SLC9A9: variants seen among roughly 807,000 people sequenced by gnomAD.
SLC9A9 encodes sodium/hydrogen exchanger 9.
In SLC9A9, 62 loss-of-function variants were observed where a neutral mutation model predicts 77.8. The ratio of observed to expected loss-of-function variants is 0.80; its 90% confidence interval spans 0.65 to 0.98. The LOEUF (loss-of-function observed/expected upper bound fraction) is 0.98. SLC9A9 is among the 50% of genes least tolerant of loss of function. SLC9A9 has a pLI of 0.00. For missense variants in SLC9A9, 775 were observed against 774.9 expected, an observed-to-expected ratio of 1.00 and a Z score of 0.00; for synonymous variants, 320 against 283.5, an observed-to-expected ratio of 1.13 and a Z score of -1.29.
intron 2 of SLC9A9, among the ~76,000 whole-genome samples, chr3:143,829,981 A>G (rs1386125741): frequency 1.3e-5 from 2 of 152,198 alleles, no homozygotes; most frequent in Admixed American, 6.6e-5. Flanking sequence ...TGGAAGATCT[A>G]TCTAATCCTA....
chr3:143,795,780 A>G (rs2008369002), intron 3 of SLC9A9, among the ~76,000 whole-genome samples: 7 of 152,226 alleles, frequency 4.6e-5, no homozygotes, highest in Admixed American at 4.6e-4. Context: ...ACTTTATTTT[A>G]ATGAGTCAGC....
At chr3:143,399,985 G>C (rs1011870212) in intron 12 of SLC9A9, among the ~76,000 whole-genome samples, 5 of 152,136 alleles carry the variant, frequency 3.3e-5, no homozygotes, top group African/African-American at 1.2e-4. Flanking sequence ...CATACGGTGA[G>C]TTTCATCAAA....
intron 8 of SLC9A9, among the ~76,000 whole-genome samples, chr3:143,557,034 A>G (rs531051634): frequency 1.3e-5 from 2 of 152,274 alleles, no homozygotes; most frequent in African/African-American, 2.4e-5. Flanking sequence ...ATCACATCTC[A>G]TCTTGAATTG....
At chr3:143,396,434 A>AGG (rs1337738805) in intron 12 of SLC9A9, among the ~76,000 whole-genome samples, 2 of 151,814 alleles carry the variant, frequency 1.3e-5, no homozygotes, top group Non-Finnish European at 2.9e-5. Flanking sequence ...CATCACACAC[A>AGG]GCCTGTTGTG....
chr3:143,570,901 C>T (rs1419228876), intron 8 of SLC9A9, among the ~76,000 whole-genome samples: 1 of 152,052 alleles, frequency 6.6e-6, no homozygotes, highest in African/African-American at 2.4e-5. Context: ...TGTAAATCTG[C>T]ATTTTCTAAA....
chr3:143,700,860 T>G (rs1933777592), intron 4 of SLC9A9, among the ~76,000 whole-genome samples: 1 of 152,246 alleles, frequency 6.6e-6, no homozygotes, highest in South Asian at 2.1e-4. Context: ...GACCCAGTGC[T>G]GTGCTGGCTT....
chr3:143,706,397 T>C (rs941388859), intron 4 of SLC9A9, among the ~76,000 whole-genome samples: 2 of 152,160 alleles, frequency 1.3e-5, no homozygotes, highest in African/African-American at 4.8e-5. Context: ...CTGTTGTAGA[T>C]AAAGCAGGTG....
intron 14 of SLC9A9, 137 bp from the exon 15 acceptor site, chr3:143,269,117 C>T (rs1937825031): frequency 2.9e-6 from 2 of 695,058 alleles, no homozygotes; most frequent in African/African-American, 1.8e-5. Context: ...GAAATTTGCC[C>T]TGCAAAAATT....
intron 14 of SLC9A9, among the ~76,000 whole-genome samples, chr3:143,363,157 A>G (rs2108483893): frequency 6.6e-6 from 1 of 152,288 alleles, no homozygotes; most frequent in Admixed American, 6.5e-5. Flanking sequence ...AAGCAGGCCT[A>G]TTTGACCAGA....
intron 14 of SLC9A9, among the ~76,000 whole-genome samples, chr3:143,356,495 A>G (rs901007677): frequency 6.6e-5 from 10 of 152,200 alleles, no homozygotes; most frequent in African/African-American, 2.4e-4. Context: ...ACAAGAACAC[A>G]GGAGTCCAGG....
At chr3:143,424,771 A>G (rs75299508) in intron 12 of SLC9A9, among the ~76,000 whole-genome samples, 103 of 152,322 alleles carry the variant, frequency 6.8e-4, no homozygotes, top group Non-Finnish European at 7.6e-4. Flanking sequence ...CAACAGGGAG[A>G]GGAGTGAGGT....
intron 14 of SLC9A9, among the ~76,000 whole-genome samples, chr3:143,330,146 A>G (rs758399789): frequency 4.6e-5 from 7 of 152,222 alleles, no homozygotes; most frequent in Admixed American, 6.5e-5. Context: ...GGCCAGAGCA[A>G]TCGGCAGGAG....
intron 6 of SLC9A9, among the ~76,000 whole-genome samples, chr3:143,582,385 G>A (rs1005108991): frequency 4.6e-5 from 7 of 152,142 alleles, no homozygotes; most frequent in African/African-American, 1.7e-4. Flanking sequence ...CGTTCCTTGA[G>A]TACTTATATG....
At chr3:143,844,748 TCTTTCTTTCTTTCTTTCTTTC>T (rs2009791045) in intron 1 of SLC9A9, among the ~76,000 whole-genome samples, 1 of 147,878 alleles carries the variant, frequency 6.8e-6, no homozygotes, top group African/African-American at 2.5e-5. Context: ...TTTCTTTCTT[TCTTTCTTTCTTTCTTTCTTTC>T]TTTCTTTCTT....
intron 4 of SLC9A9, among the ~76,000 whole-genome samples, chr3:143,748,145 A>G (rs114908059): frequency 2.7e-3 from 411 of 152,316 alleles, no homozygotes; most frequent in African/African-American, 9.5e-3. Flanking sequence ...CATTATGAAC[A>G]CATATTTGTC....
At chr3:143,632,000 C>T (rs2038434415) in intron 6 of SLC9A9, among the ~76,000 whole-genome samples, 1 of 152,086 alleles carries the variant, frequency 6.6e-6, no homozygotes, top group African/African-American at 2.4e-5. Flanking sequence ...TCCTCAACTG[C>T]CCACCTTCTC....
intron 14 of SLC9A9, among the ~76,000 whole-genome samples, chr3:143,329,217 C>A (rs1166859287): frequency 6.6e-6 from 1 of 152,216 alleles, no homozygotes; most frequent in African/African-American, 2.4e-5. Context: ...ACAGCTCTAG[C>A]AATGTTTTTT....
chr3:143,360,445 C>T (rs989137027), intron 14 of SLC9A9, among the ~76,000 whole-genome samples: 1 of 152,138 alleles, frequency 6.6e-6, no homozygotes, highest in Non-Finnish European at 1.5e-5. Flanking sequence ...AGGGGAGCCG[C>T]TGTTGCAGCA....
chr3:143,497,301 A>G (rs1348809896), intron 9 of SLC9A9, among the ~76,000 whole-genome samples: 2 of 151,918 alleles, frequency 1.3e-5, no homozygotes, highest in East Asian at 1.9e-4. Context: ...CCTTACTCCA[A>G]TTTCCCTCTG....
Sources: gnomAD v4.1 joint callset for allele counts (sites outside exome capture counted in the v4.1 genomes callset) on GRCh38, gnomAD v4.1.1 for gene constraint, MANE v1.5 for transcripts, NCBI Gene and HGNC (gene_info 2026-07-23, HGNC 2026-07-21) for gene names.